The following TAF4 variants were observed in gnomAD, a reference collection of about 807,000 sequenced individuals.
The protein encoded by TAF4 is TATA-box binding protein associated factor 4.
Under a neutral mutation model 90.3 loss-of-function variants are expected in TAF4, and 9 were observed. That is an observed-to-expected ratio of 0.10 (90% confidence interval 0.06 to 0.17). The LOEUF (loss-of-function observed/expected upper bound fraction) is 0.17. TAF4 is among the 10% of genes least tolerant of loss of function. The probability of loss-of-function intolerance (pLI) is 1.00; values close to 1 mark genes in which losing one functional copy is unlikely to be tolerated. For synonymous variants in TAF4, 818 were observed against 638.9 expected (o/e 1.28, Z -4.23); for missense variants, 1,351 against 1,370.7 (o/e 0.99, Z 0.23).
chr20:62,052,914 C>G (rs893958177), intron 1 of TAF4, among the ~76,000 whole-genome samples: 2 of 151,668 alleles, frequency 1.3e-5, no homozygotes, highest in African/African-American at 4.9e-5. Flanking sequence ...TCAGGTCCCT[C>G]ACACCACCCC....
chr20:62,031,091 AC>A (rs1319574084), intron 1 of TAF4, among the ~76,000 whole-genome samples: 2 of 152,204 alleles, frequency 1.3e-5, no homozygotes, highest in African/African-American at 4.8e-5. Context: ...ACCTGGTATC[AC>A]TTCTGCCTTC....
chr20:61,991,718 CA>C (rs1568924340), intron 14 of TAF4, among the ~76,000 whole-genome samples: 1 of 151,868 alleles, frequency 6.6e-6, no homozygotes, highest in South Asian at 2.1e-4. Context: ...AAGAAAGAAA[CA>C]AAAGAACAGA....
intron 5 of TAF4, chr20:62,008,752 C>T (rs2055761843): frequency 1.2e-5 from 3 of 257,424 alleles, no homozygotes; most frequent in Admixed American, 5.2e-5. Context: ...CAGAGTGCAG[C>T]ATGGTTGGGG....
chr20:61,982,197 C>CACCTGAGAGGAAACACCAAACCCA (rs1568920691), intron 14 of TAF4, among the ~76,000 whole-genome samples: 68 of 124,910 alleles, frequency 5.4e-4, no homozygotes, highest in African/African-American at 6.0e-4. Flanking sequence ...AACCCACACC[C>CACCTGAGAGGAAACACCAAACCCA]CACCCGAGAG....
chr20:62,044,242 A>C (rs529793872), intron 1 of TAF4, among the ~76,000 whole-genome samples: 3 of 152,242 alleles, frequency 2.0e-5, no homozygotes, highest in Non-Finnish European at 4.4e-5. Context: ...CAAGTTTTTC[A>C]ATTAAAATAA....
chr20:62,053,476 A>G (rs2056042332), intron 1 of TAF4, among the ~76,000 whole-genome samples: 1 of 152,188 alleles, frequency 6.6e-6, no homozygotes, highest in Non-Finnish European at 1.5e-5. Flanking sequence ...CCACATCTGA[A>G]CAGAGAAGAT....
At position 62,064,962 on chromosome 20, in the gene TAF4, C is replaced by T. The variant is rs2056116592; in HGVS notation, c.849G>A (p.Pro283=). ...TCGGGGGTCCGGCGGGGTGGCCGGG[C>T]GGCCGGGCCAGAGTGGCGGGCGCGG... The part of the protein sequence containing the change: ...PPPAPATLAR[P]PGHPAGPPTA... The change falls in exon 1 of 15, where the codon CCG becomes CCA. Residue 283 remains proline, a synonymous_variant. Coordinates refer to ENST00000252996, the MANE Select transcript of TAF4 (RefSeq NM_003185.4). 2 of 405,582 alleles carry T rather than the reference C, an allele frequency of 4.9e-6. No individual in the cohort carries two copies. The highest frequency in any genetic ancestry group is 6.2e-6 in the Non-Finnish European group (2 of 324,112). 25.1% of individuals were successfully genotyped at this position (405,582 alleles called of 1,614,324 possible).
chr20:62,046,326 G>A (rs1179152704), intron 1 of TAF4, among the ~76,000 whole-genome samples: 1 of 152,204 alleles, frequency 6.6e-6, no homozygotes, highest in Non-Finnish European at 1.5e-5. Context: ...CCACAATCAA[G>A]ATTTAAAACG....
chr20:62,061,859 C>T (rs1389390153), intron 1 of TAF4, among the ~76,000 whole-genome samples: 1 of 152,212 alleles, frequency 6.6e-6, no homozygotes, highest in Non-Finnish European at 1.5e-5. Context: ...CAACACTGTC[C>T]TGACAAAGAA....
In TAF4 at chr20:62,007,482, G is replaced by A. The variant is rs574160998; in HGVS notation, c.1974+65C>T. The A allele has an allele frequency of 3.6e-5, 53 of 1,489,040 alleles. No homozygotes were observed. In the South Asian group the frequency reaches 5.6e-4, roughly 16 times the overall value. 92.2% of individuals were successfully genotyped at this position (1,489,040 alleles called of 1,614,324 possible). A position where few individuals can be genotyped will look rare whatever the true frequency, so the allele number is the denominator to read the frequency against. ...TGGAGCATCCTCGCCCTGCACACTTGGTGCATCTGCGCCCCACCCCTCCCT... is the reference window on the plus strand; with the variant it reads ...TGGAGCATCCTCGCCCTGCACACTTAGTGCATCTGCGCCCCACCCCTCCCT... On this transcript the variant is annotated intron_variant, in intron 6 of 14. Coordinates refer to ENST00000252996, the MANE Select transcript of TAF4 (RefSeq NM_003185.4).
intron 1 of TAF4, among the ~76,000 whole-genome samples, chr20:62,042,430 G>A (rs1378647548): frequency 6.6e-6 from 1 of 152,228 alleles, no homozygotes; most frequent in Non-Finnish European, 1.5e-5. Flanking sequence ...AAGGACTCGG[G>A]TACCGAGAGG....
intron 1 of TAF4, among the ~76,000 whole-genome samples, chr20:62,060,834 G>A (rs925626216): frequency 6.6e-6 from 1 of 152,188 alleles, no homozygotes; most frequent in Non-Finnish European, 1.5e-5. Flanking sequence ...CCCATTGACA[G>A]AACCAGTCAG....
chr20:62,059,964 G>C (rs80280437), intron 1 of TAF4, among the ~76,000 whole-genome samples: 1 of 152,370 alleles, frequency 6.6e-6, no homozygotes, highest in Non-Finnish European at 1.5e-5. Context: ...TTATACAGTA[G>C]AAAAGGCTTT....
intron 14 of TAF4, among the ~76,000 whole-genome samples, chr20:61,996,241 G>C (rs2055662011): frequency 6.6e-6 from 1 of 152,118 alleles, no homozygotes; most frequent in Non-Finnish European, 1.5e-5. Flanking sequence ...AATTAGCCAG[G>C]CATGGTGGCA....
chr20:62,001,511 C>T (rs191295322), intron 9 of TAF4, among the ~76,000 whole-genome samples: 368 of 152,316 alleles, frequency 2.4e-3, no homozygotes, highest in Middle Eastern at 6.8e-3. Context: ...ATGCACGCAG[C>T]CTCCACTTGC....
At position 61,983,360 on chromosome 20, in the gene TAF4, A is replaced by G. The variant is rs529123696; in HGVS notation, c.3091-7025T>C. Among the ~76,000 whole-genome samples, 11 of 152,322 alleles carry G rather than the reference A, an allele frequency of 7.2e-5. No individual in the cohort carries two copies. In the East Asian group the frequency reaches 1.9e-3, roughly 27 times the overall value. On this transcript the variant is annotated intron_variant, in intron 14 of 14. Transcript: ENST00000252996. ...TCTCACAGAAAAAGAAACACAGCAA[A>G]TATTTAAAATTCAGGCCAGGTACGG...
intron 1 of TAF4, among the ~76,000 whole-genome samples, chr20:62,028,111 G>A (rs2055884377): frequency 6.6e-6 from 1 of 152,186 alleles, no homozygotes; most frequent in South Asian, 2.1e-4. Context: ...AAAGCACTGA[G>A]CAGAGGCCTG....
At chr20:62,015,486 C>T (rs529168988) in intron 1 of TAF4, among the ~76,000 whole-genome samples, 16 of 152,302 alleles carry the variant, frequency 1.1e-4, no homozygotes, top group African/African-American at 3.6e-4. Flanking sequence ...GGGATGCAGC[C>T]GTGGGAGCAG....
At chr20:62,044,850 C>T (rs1184259480) in intron 1 of TAF4, among the ~76,000 whole-genome samples, 2 of 152,154 alleles carry the variant, frequency 1.3e-5, no homozygotes, top group South Asian at 2.1e-4. Flanking sequence ...CAAGGCTCCT[C>T]CGGGAAGAGA....
Sources: gnomAD v4.1 joint callset for allele counts (sites outside exome capture counted in the v4.1 genomes callset) on GRCh38, gnomAD v4.1.1 for gene constraint, MANE v1.5 for transcripts, NCBI Gene and HGNC (gene_info 2026-07-23, HGNC 2026-07-21) for gene names.